Variants in CACNB2 observed in about 807,000 individuals in gnomAD.
CACNB2 encodes voltage-dependent L-type calcium channel subunit beta-2.
CACNB2 carries 42 observed loss-of-function variants against 73.3 expected under a neutral mutation model. The ratio of observed to expected loss-of-function variants is 0.57; its 90% CI spans 0.45 to 0.74. The LOEUF (loss-of-function observed/expected upper bound fraction) is 0.74. Ranked by LOEUF, CACNB2 falls within the 30% of genes least tolerant of loss-of-function variation. The pLI is 0.00. For missense variants in CACNB2, 940 were observed against 853.0 expected, an observed-to-expected ratio of 1.10 and a Z score of -1.27; for synonymous variants, 348 against 310.3, an observed-to-expected ratio of 1.12 and a Z score of -1.28.
At chr10:18,482,309 GA>G (rs920399677) in intron 3 of CACNB2, among the ~76,000 whole-genome samples, 5 of 152,044 alleles carry the variant, frequency 3.3e-5, no homozygotes, top group Non-Finnish European at 7.4e-5. Context: ...AATAATGTCT[GA>G]AAAAAACAAG....
At chr10:18,488,521 C>G (rs1396081427) in intron 3 of CACNB2, among the ~76,000 whole-genome samples, 1 of 146,564 alleles carries the variant, frequency 6.8e-6, no homozygotes, top group East Asian at 2.1e-4. Flanking sequence ...TTTGACATCG[C>G]TGTTGATTTC....
chr10:18,478,603 G>A (rs2148182), intron 3 of CACNB2, among the ~76,000 whole-genome samples: 27,961 of 152,044 alleles, frequency 0.18, 2,793 homozygotes, highest in African/African-American at 0.25. Context: ...GAAAAGGCAT[G>A]CAAATGTATT....
At chr10:18,171,545 A>AAT (rs2033239500) in intron 2 of CACNB2, among the ~76,000 whole-genome samples, 1 of 141,186 alleles carries the variant, frequency 7.1e-6, no homozygotes, top group Non-Finnish European at 1.5e-5. Context: ...AAAAAAAAAA[A>AAT]AAAAGGCTAT....
chr10:18,406,553 T>A (rs1373400470), intron 3 of CACNB2, among the ~76,000 whole-genome samples: 4 of 152,204 alleles, frequency 2.6e-5, no homozygotes, highest in Non-Finnish European at 5.9e-5. Flanking sequence ...GCACTCCTTA[T>A]GAGAGTCTAA....
intron 3 of CACNB2, among the ~76,000 whole-genome samples, chr10:18,461,303 C>G (rs990884532): frequency 4.6e-5 from 7 of 152,134 alleles, no homozygotes; most frequent in African/African-American, 1.4e-4. Flanking sequence ...CGTTATTCCA[C>G]CTTTATCTTT....
At chr10:18,378,274 T>C (rs919746652) in intron 2 of CACNB2, among the ~76,000 whole-genome samples, 1 of 152,250 alleles carries the variant, frequency 6.6e-6, no homozygotes, top group Non-Finnish European at 1.5e-5. Flanking sequence ...GTCAACATTT[T>C]CATTCTGAAT....
intron 2 of CACNB2, among the ~76,000 whole-genome samples, chr10:18,186,427 A>AG (rs899624685): frequency 2.0e-5 from 3 of 151,966 alleles, no homozygotes; most frequent in African/African-American, 7.3e-5. Flanking sequence ...CTGAAAAAAA[A>AG]AAAGAAAGAA....
At chr10:18,378,358 C>T (rs761885316) in intron 2 of CACNB2, among the ~76,000 whole-genome samples, 1 of 152,166 alleles carries the variant, frequency 6.6e-6, no homozygotes, top group East Asian at 1.9e-4. Context: ...ACATTCTCTG[C>T]TTTTTATAAT....
intron 2 of CACNB2, among the ~76,000 whole-genome samples, chr10:18,217,023 C>G (rs2035540789): frequency 6.6e-6 from 1 of 152,154 alleles, no homozygotes; most frequent in Non-Finnish European, 1.5e-5. Flanking sequence ...ATTCATTTAT[C>G]TTTTCATACG....
chr10:18,213,524 C>T (rs1252668193), intron 2 of CACNB2, among the ~76,000 whole-genome samples: 1 of 152,106 alleles, frequency 6.6e-6, no homozygotes, highest in Non-Finnish European at 1.5e-5. Context: ...TTTTTCTGGG[C>T]TCAAAAAATC....
chr10:18,295,993 TGCGTG>T (rs1429668591), intron 2 of CACNB2, among the ~76,000 whole-genome samples: 5 of 144,756 alleles, frequency 3.5e-5, no homozygotes, highest in African/African-American at 1.3e-4. Flanking sequence ...CTATTCTTTT[TGCGTG>T]TTTTTTTTTT....
chr10:18,182,457 C>T (rs1305196117), intron 2 of CACNB2, among the ~76,000 whole-genome samples: 4 of 150,242 alleles, frequency 2.7e-5, no homozygotes, highest in Non-Finnish European at 5.9e-5. Context: ...TTTGTAAGCA[C>T]AAAAGTAACA....
intron 7 of CACNB2, chr10:18,515,035 G>A: frequency 1.2e-6 from 2 of 1,612,742 alleles, no homozygotes; most frequent in Non-Finnish European, 1.7e-6. Flanking sequence ...TGTTTTGGCG[G>A]TTTACTGTGA....
Position 18,173,747 on chromosome 10 carries a change from C to T in CACNB2, c.213+22772C>T, listed in dbSNP as rs544856741. Among the ~76,000 whole-genome samples the T allele has an allele frequency of 6.6e-5, 10 of 152,156 alleles. 1 individual carries two copies. In the South Asian group the frequency reaches 2.1e-3, roughly 32 times the overall value. ...GATATGTTTTCTAAGCCTAAAAGGCCCAGGACATTGTATGTTTTGTTGATA... is the reference window on the plus strand; with the variant it reads ...GATATGTTTTCTAAGCCTAAAAGGCTCAGGACATTGTATGTTTTGTTGATA... On this transcript the variant is annotated intron_variant, in intron 2 of 13. Transcript: ENST00000324631.
chr10:18,147,949 A>G (rs2031154743), intron 1 of CACNB2, among the ~76,000 whole-genome samples: 1 of 152,192 alleles, frequency 6.6e-6, no homozygotes, highest in Admixed American at 6.5e-5. Context: ...TAATAGCAGG[A>G]TGAATTTTCA....
At chr10:18,507,995 G>A (rs1311363516) in intron 6 of CACNB2, among the ~76,000 whole-genome samples, 1 of 151,650 alleles carries the variant, frequency 6.6e-6, no homozygotes, top group African/African-American at 2.4e-5. Context: ...GGCTGTTCTT[G>A]AAACTCCTGG....
intron 2 of CACNB2, among the ~76,000 whole-genome samples, chr10:18,384,947 C>T (rs1450516676): frequency 6.6e-6 from 1 of 151,986 alleles, no homozygotes; most frequent in African/African-American, 2.4e-5. Flanking sequence ...TGGTTCTCAA[C>T]CTTGGCTGAA....
chr10:18,277,190 T>A, intron 2 of CACNB2, among the ~76,000 whole-genome samples: 1 of 152,112 alleles, frequency 6.6e-6, no homozygotes, highest in East Asian at 1.9e-4. Flanking sequence ...AAGTGGAAGC[T>A]ATGTGATAAA....
rs534238828 is a variant in CACNB2 at position 18,506,132 on chromosome 10, C to T, written c.594-339C>T. Reference sequence around the variant, plus strand: ...GTGTTAGCCTTAAGGTTCTGTGCATCGCCTCTGAGGGTCTCTAAAATAAAA... The same window carrying T: ...GTGTTAGCCTTAAGGTTCTGTGCATTGCCTCTGAGGGTCTCTAAAATAAAA... On this transcript the variant is annotated intron_variant, in intron 5 of 13. Coordinates refer to ENST00000324631, the MANE Select transcript of CACNB2 (RefSeq NM_201596.3). Among the ~76,000 whole-genome samples the T allele has an allele frequency of 3.3e-5, 5 of 152,258 alleles. No individual in the cohort carries two copies. In the South Asian group the frequency reaches 8.3e-4, roughly 25 times the overall value.
Sources: gnomAD v4.1 joint callset for allele counts (sites outside exome capture counted in the v4.1 genomes callset) on GRCh38, gnomAD v4.1.1 for gene constraint, MANE v1.5 for transcripts, NCBI Gene and HGNC (gene_info 2026-07-23, HGNC 2026-07-21) for gene names.